Variants in SLC35D4 observed in about 807,000 individuals in gnomAD.
SLC35D4 encodes the protein UDP-N-acetylglucosamine transporter SLC35D4.
the SLC35D4 span, among the ~76,000 whole-genome samples, chr18:23,359,713 C>G: frequency 6.6e-6 from 1 of 152,160 alleles, no homozygotes; most frequent in African/African-American, 2.4e-5. Context: ...CACACATGAG[C>G]CACAGACACA....
the SLC35D4 span, among the ~76,000 whole-genome samples, chr18:23,419,570 G>A: frequency 1.3e-5 from 2 of 152,060 alleles, no homozygotes; most frequent in Non-Finnish European, 2.9e-5. Context: ...GGGATAACAG[G>A]CATGAGCACT....
the SLC35D4 span, among the ~76,000 whole-genome samples, chr18:23,350,299 C>G: frequency 6.6e-6 from 1 of 152,146 alleles, no homozygotes; most frequent in Non-Finnish European, 1.5e-5. Context: ...ATCCTCATGT[C>G]TGCATAGCTT....
the SLC35D4 span, among the ~76,000 whole-genome samples, chr18:23,265,745 A>C: frequency 4.6e-5 from 7 of 151,994 alleles, no homozygotes; most frequent in African/African-American, 1.7e-4. Flanking sequence ...ATAAAAGATG[A>C]CCAAAAAGAA....
the SLC35D4 span, among the ~76,000 whole-genome samples, chr18:23,364,917 A>G: frequency 0.28 from 1,026 of 3,714 alleles, 183 homozygotes; most frequent in African/African-American, 0.3. Flanking sequence ...AAAAAAAAAA[A>G]AAAAAAAAAA....
chr18:23,407,516 C>CA, the SLC35D4 span, among the ~76,000 whole-genome samples: 38 of 150,928 alleles, frequency 2.5e-4, no homozygotes, highest in African/African-American at 7.5e-4. Flanking sequence ...ATCAGCTCTC[C>CA]AAAAAAAAAG....
At chr18:23,265,893 A>G in the SLC35D4 span, among the ~76,000 whole-genome samples, 1 of 152,216 alleles carries the variant, frequency 6.6e-6, no homozygotes, top group Non-Finnish European at 1.5e-5. Context: ...CTGATGAAGC[A>G]TACATACTGT....
the SLC35D4 span, among the ~76,000 whole-genome samples, chr18:23,242,451 TCTGCAC>T: frequency 1.3e-5 from 2 of 152,200 alleles, no homozygotes; most frequent in African/African-American, 4.8e-5. Context: ...CTTCCAGCTC[TCTGCAC>T]CTCTTGGCAT....
the SLC35D4 span, among the ~76,000 whole-genome samples, chr18:23,242,182 G>A: frequency 6.6e-6 from 1 of 152,208 alleles, no homozygotes; most frequent in African/African-American, 2.4e-5. Context: ...GGAGGCTGAG[G>A]CAGGAGAATC....
At chr18:23,240,760 G>T in the SLC35D4 span, among the ~76,000 whole-genome samples, 1 of 152,202 alleles carries the variant, frequency 6.6e-6, no homozygotes, top group South Asian at 2.1e-4. Flanking sequence ...CAGCAGAGGC[G>T]CCCACCTGAA....
At chr18:23,339,218 C>T in the SLC35D4 span, among the ~76,000 whole-genome samples, 4 of 152,116 alleles carry the variant, frequency 2.6e-5, no homozygotes, top group African/African-American at 9.7e-5. Context: ...ACTGTCCAAA[C>T]AAAGCAAAAA....
the SLC35D4 span, among the ~76,000 whole-genome samples, chr18:23,411,410 GGAGA>G: frequency 2.7e-5 from 4 of 148,618 alleles, no homozygotes; most frequent in African/African-American, 1.0e-4. Context: ...AGAAGGGAAT[GGAGA>G]GAGAAAGAAG....
At chr18:23,287,749 A>AGAGACT in the SLC35D4 span, among the ~76,000 whole-genome samples, 61 of 152,152 alleles carry the variant, frequency 4.0e-4, no homozygotes, top group South Asian at 0.012. Flanking sequence ...CCCCCACCCT[A>AGAGACT]GCTCTCCCTG....
the SLC35D4 span, among the ~76,000 whole-genome samples, chr18:23,333,658 C>A: frequency 1.3e-5 from 2 of 152,202 alleles, no homozygotes; most frequent in East Asian, 3.8e-4. Flanking sequence ...CCTACTCCCA[C>A]CTGAAGGAAA....
chr18:23,308,069 C>A, the SLC35D4 span, among the ~76,000 whole-genome samples: 1 of 152,188 alleles, frequency 6.6e-6, no homozygotes, highest in South Asian at 2.1e-4. Context: ...TCACAACAGT[C>A]AGAACTGTCA....
At chr18:23,321,543 C>G in the SLC35D4 span, among the ~76,000 whole-genome samples, 1 of 152,000 alleles carries the variant, frequency 6.6e-6, no homozygotes. Flanking sequence ...GCAGCCTTAA[C>G]CTCCCAGGCT....
chr18:23,436,732 G>T, the SLC35D4 span, among the ~76,000 whole-genome samples: 1 of 152,174 alleles, frequency 6.6e-6, no homozygotes, highest in African/African-American at 2.4e-5. Context: ...GGCAGAGGTT[G>T]CAGTGAGCCG....
chr18:23,385,400 C>T, the SLC35D4 span, among the ~76,000 whole-genome samples: 7 of 152,196 alleles, frequency 4.6e-5, no homozygotes, highest in Non-Finnish European at 7.3e-5. Flanking sequence ...AAGTGCACCC[C>T]GCCCGGCACA....
chr18:23,299,483 CT>C, the SLC35D4 span, among the ~76,000 whole-genome samples: 1 of 152,214 alleles, frequency 6.6e-6, no homozygotes, highest in Non-Finnish European at 1.5e-5. Flanking sequence ...TCACATGCGT[CT>C]CCATGGGCAT....
the SLC35D4 span, among the ~76,000 whole-genome samples, chr18:23,239,933 C>T: frequency 2.0e-5 from 3 of 152,120 alleles, no homozygotes; most frequent in Non-Finnish European, 2.9e-5. Flanking sequence ...GCCTGGCCAA[C>T]GTGGTAAAAC....
Sources: allele counts gnomAD v4.1 joint callset (sites outside exome capture counted in the v4.1 genomes callset), GRCh38; gene constraint gnomAD v4.1.1; transcripts MANE v1.5; gene names NCBI Gene and HGNC (gene_info 2026-07-23, HGNC 2026-07-21).